Variants in FER1L6 observed in about 807,000 individuals in gnomAD.
FER1L6 encodes the protein fer-1 like family member 6.
FER1L6 carries 177 observed loss-of-function variants against 219.2 expected under a neutral mutation model. The ratio of observed to expected loss-of-function variants is 0.81; its 90% CI spans 0.71 to 0.91. FER1L6 has a LOEUF of 0.91. FER1L6 is among the 40% of genes least tolerant of loss of function. The probability of loss-of-function intolerance (pLI) is 0.00; values close to 1 mark genes in which losing one functional copy is unlikely to be tolerated. For synonymous variants in FER1L6, 768 were observed against 824.3 expected (o/e 0.93, Z 1.17); for missense variants, 2,153 against 2,259.9 (o/e 0.95, Z 0.96).
rs924122116 is a variant in FER1L6 at position 123,994,514 on chromosome 8, C to A, written c.1519+8338C>A. Among the ~76,000 whole-genome samples, 3 of 152,306 alleles carry A rather than the reference C, an allele frequency of 2.0e-5. No individual in the cohort carries two copies. In the East Asian group the frequency reaches 5.8e-4, roughly 29 times the overall value. On this transcript the variant is annotated intron_variant, in intron 12 of 40. Transcript: ENST00000522917. ...ATTGGCGAGACATATCTTTCACCCA[C>A]GGTATTCCACCAGCAGCAGCTAGCT...
chr8:124,026,882 C>G (rs1818731730), intron 18 of FER1L6, among the ~76,000 whole-genome samples: 1 of 152,148 alleles, frequency 6.6e-6, no homozygotes. Context: ...GCTTAAACAA[C>G]AGAGATATAT....
intron 1 of FER1L6, among the ~76,000 whole-genome samples, chr8:123,855,770 A>ATATATATGTGTGTGTG (rs1816626505): frequency 6.8e-6 from 1 of 146,406 alleles, no homozygotes; most frequent in Non-Finnish European, 1.5e-5. Flanking sequence ...ATGTGTGTGT[A>ATATATATGTGTGTGTG]TATATATGTG....
chr8:123,870,948 A>G (rs550410009), intron 1 of FER1L6, among the ~76,000 whole-genome samples: 43 of 152,340 alleles, frequency 2.8e-4, no homozygotes, highest in East Asian at 3.9e-4. Flanking sequence ...TATGTAAACA[A>G]TGTACTTTGG....
intron 12 of FER1L6, among the ~76,000 whole-genome samples, chr8:123,990,035 G>A (rs187430863): frequency 2.6e-5 from 4 of 152,142 alleles, no homozygotes; most frequent in African/African-American, 9.7e-5. Flanking sequence ...TTGTGAGGCC[G>A]AGGTGGGCGG....
chr8:123,978,557 A>G (rs1485211514), intron 10 of FER1L6, among the ~76,000 whole-genome samples: 1 of 152,170 alleles, frequency 6.6e-6, no homozygotes, highest in East Asian at 1.9e-4. Context: ...TTCCCAGGCA[A>G]TCTTTCTCTG....
At chr8:123,955,366 C>T (rs1168867376) in intron 1 of FER1L6, among the ~76,000 whole-genome samples, 2 of 152,232 alleles carry the variant, frequency 1.3e-5, no homozygotes, top group East Asian at 3.8e-4. Flanking sequence ...GGGCATGTGT[C>T]ATGTGCCAGC....
chr8:123,945,795 G>T lies in FER1L6; in HGVS notation c.-7-10197G>T, dbSNP rs192148719. On this transcript the variant is annotated intron_variant, in intron 1 of 40. Coordinates refer to ENST00000522917, the MANE Select transcript of FER1L6 (RefSeq NM_001039112.2). Reference sequence around the variant, plus strand: ...CTATTAAAGAACTCAAACATGCAAAGAAAGTCAGATTCTTTGCGAGTCATA... The same window carrying T: ...CTATTAAAGAACTCAAACATGCAAATAAAGTCAGATTCTTTGCGAGTCATA... Among the ~76,000 whole-genome samples, 31 of 152,308 alleles carry T rather than the reference G, an allele frequency of 2.0e-4. No homozygotes were observed. The East Asian group carries it at 5.2e-3, about 26-fold the overall frequency.
chr8:123,852,467 CATGCGTGTGT>C lies in FER1L6; in HGVS notation c.-8+283_-8+292del, dbSNP rs1252834130. On this transcript the variant is annotated intron_variant, in intron 1 of 40. Transcript: ENST00000522917. The surrounding 1 kb of genome is among the most constrained non-coding windows in gnomAD (Gnocchi z 4.9). ...TGTTGCTTGAACTCCATGTTGTGAG[CATGCGTGTGT>C]GTGTGTGTGTGTGTGTGTGTGTGTG... Among the ~76,000 whole-genome samples, 7 of 115,778 alleles carry C rather than the reference CATGCGTGTGT, an allele frequency of 6.0e-5. No individual in the cohort carries two copies. The highest frequency in any genetic ancestry group is 2.5e-4 in the African/African-American group (7 of 28,464). The allele number at this position is 115,778 out of a possible 152,430, so 76.0% of individuals were successfully genotyped here. A position where few individuals can be genotyped will look rare whatever the true frequency, so the allele number is the denominator to read the frequency against.
At chr8:123,932,908 AG>A (rs1813830408) in intron 1 of FER1L6, among the ~76,000 whole-genome samples, 1 of 152,214 alleles carries the variant, frequency 6.6e-6, no homozygotes, top group Non-Finnish European at 1.5e-5. Context: ...GTGCTAGTAG[AG>A]GAGACAGACA....
chr8:123,953,654 A>G (rs1814880455), intron 1 of FER1L6, among the ~76,000 whole-genome samples: 1 of 152,110 alleles, frequency 6.6e-6, no homozygotes, highest in African/African-American at 2.4e-5. Flanking sequence ...CCCGAAAGGA[A>G]CCTTATGTCT....
intron 6 of FER1L6, 138 bp from the exon 7 acceptor site, chr8:123,973,296 C>T (rs1307016366): frequency 3.0e-6 from 2 of 656,376 alleles, no homozygotes; most frequent in Admixed American, 2.6e-5. Flanking sequence ...TGTTGAGGGG[C>T]TTCTGGAGGT....
chr8:123,871,841 A>G (rs755268938), intron 1 of FER1L6, among the ~76,000 whole-genome samples: 12 of 152,216 alleles, frequency 7.9e-5, no homozygotes, highest in Non-Finnish European at 1.6e-4. Context: ...CAGCAGAGAT[A>G]AGTCACGTTG....
chr8:124,029,021 C>G (rs753452481), intron 18 of FER1L6, among the ~76,000 whole-genome samples: 1 of 152,136 alleles, frequency 6.6e-6, no homozygotes, highest in Non-Finnish European at 1.5e-5. Flanking sequence ...TGAATGAGAA[C>G]ATGCAGTGTT....
At chr8:123,929,398 G>A (rs889730157) in intron 1 of FER1L6, among the ~76,000 whole-genome samples, 1 of 152,160 alleles carries the variant, frequency 6.6e-6, no homozygotes, top group Non-Finnish European at 1.5e-5. Context: ...CAGAGACATA[G>A]ACAGTAAGTA....
At chr8:123,875,206 T>A (rs1816986408) in intron 1 of FER1L6, among the ~76,000 whole-genome samples, 1 of 151,842 alleles carries the variant, frequency 6.6e-6, no homozygotes, top group Admixed American at 6.6e-5. Context: ...AAAAAAACAA[T>A]CAAAAAATGC....
chr8:123,880,502 C>T (rs976498819), intron 1 of FER1L6, among the ~76,000 whole-genome samples: 2 of 152,174 alleles, frequency 1.3e-5, no homozygotes, highest in Admixed American at 6.5e-5. Context: ...CTTACTTGCT[C>T]CAGTTCCCAC....
At chr8:124,081,545 A>C (rs1464277741) in intron 32 of FER1L6, among the ~76,000 whole-genome samples, 2 of 151,498 alleles carry the variant, frequency 1.3e-5, no homozygotes, top group Admixed American at 6.6e-5. Flanking sequence ...CAGTTCACGG[A>C]AACATTTATT....
chr8:124,103,266 G>A lies in FER1L6; in HGVS notation c.5246G>A (p.Arg1749His), dbSNP rs773634548. The A allele has an allele frequency of 9.3e-6, 15 of 1,613,938 alleles. No individual in the cohort carries two copies. Among genetic ancestry groups the A allele is most frequent in the African/African-American group, 2.7e-5 (2 of 74,912 alleles). The change falls in exon 39 of 41, where the codon CGT (arginine) becomes CAT (histidine). Residue 1749 changes from arginine to histidine, a missense_variant. Physicochemically the swap from Arg to His is conservative, Grantham distance 29. Coordinates refer to ENST00000522917, the MANE Select transcript of FER1L6 (RefSeq NM_001039112.2). ...AAGATCTCTATATTCCAGCAAAAAC[G>A]TGTGCGTGGCTGGTGGCCTTTTTCT... ...ETKISIFQQKRVRGWWPFSKS... is the reference protein window; with the variant it reads ...ETKISIFQQKHVRGWWPFSKS...
At chr8:124,052,996 G>A (rs569713490) in intron 22 of FER1L6, among the ~76,000 whole-genome samples, 50 of 152,318 alleles carry the variant, frequency 3.3e-4, no homozygotes, top group Non-Finnish European at 5.0e-4. Flanking sequence ...TGGTAAAGGT[G>A]GTCGTGGAAT....
Sources: gnomAD v4.1 joint callset for allele counts (sites outside exome capture counted in the v4.1 genomes callset) on GRCh38, gnomAD v4.1.1 for gene constraint, Gnocchi (gnomAD v3.1) non-coding constraint, MANE v1.5 for transcripts, NCBI Gene and HGNC (gene_info 2026-07-23, HGNC 2026-07-21) for gene names.